The following ACOXL variants were observed in gnomAD, a reference collection of about 807,000 sequenced individuals.
ACOXL encodes the protein acyl-CoA oxidase like.
ACOXL carries 70 observed loss-of-function variants against 71.9 expected under a neutral mutation model. The observed-to-expected ratio is 0.97, with a 90% CI of 0.80 to 1.19. The LOEUF is 1.19. ACOXL is among the 50% of genes most tolerant of loss of function. The pLI is 0.00. For synonymous variants in ACOXL, 253 were observed against 281.6 expected (o/e 0.90, Z 1.02); for missense variants, 703 against 736.3 (o/e 0.95, Z 0.52).
intron 16 of ACOXL, among the ~76,000 whole-genome samples, chr2:111,068,504 C>T (rs2067181155): frequency 6.6e-6 from 1 of 152,218 alleles, no homozygotes; most frequent in Admixed American, 6.5e-5. Flanking sequence ...TGCATAGGTT[C>T]AGGATAAGCC....
At chr2:110,759,263 A>G (rs774630636) in intron 1 of ACOXL, among the ~76,000 whole-genome samples, 8 of 152,064 alleles carry the variant, frequency 5.3e-5, no homozygotes, top group Non-Finnish European at 1.0e-4. Flanking sequence ...TTTGTCTACT[A>G]TTGTCAGTGG....
At chr2:110,872,309 G>A (rs1255573280) in intron 10 of ACOXL, among the ~76,000 whole-genome samples, 1 of 152,216 alleles carries the variant, frequency 6.6e-6, no homozygotes, top group Non-Finnish European at 1.5e-5. Context: ...TTCAAGAGGA[G>A]GGGACATAGA....
chr2:110,886,814 T>A, intron 10 of ACOXL: 2 of 1,551,056 alleles, frequency 1.3e-6, no homozygotes, highest in South Asian at 2.4e-5. Flanking sequence ...GCTGTTCAGC[T>A]CCAGCTGGTC....
intron 16 of ACOXL, among the ~76,000 whole-genome samples, chr2:111,084,199 T>C (rs886690987): frequency 2.8e-5 from 4 of 143,944 alleles, no homozygotes; most frequent in African/African-American, 1.0e-4. Flanking sequence ...TGAGACATAC[T>C]TATAGAAACC....
intron 16 of ACOXL, among the ~76,000 whole-genome samples, chr2:111,073,731 A>G (rs2067456573): frequency 6.6e-6 from 1 of 152,186 alleles, no homozygotes; most frequent in Non-Finnish European, 1.5e-5. Context: ...AAATTGTTTT[A>G]GTGATTCTAG....
At chr2:110,844,323 T>G (rs1691525697) in intron 10 of ACOXL, among the ~76,000 whole-genome samples, 1 of 152,208 alleles carries the variant, frequency 6.6e-6, no homozygotes, top group South Asian at 2.1e-4. Context: ...GGAATTCTGA[T>G]TTTAACATTC....
intron 9 of ACOXL, among the ~76,000 whole-genome samples, chr2:110,824,157 G>T (rs1688921410): frequency 6.6e-6 from 1 of 152,282 alleles, no homozygotes; most frequent in Admixed American, 6.5e-5. Context: ...TACAAATATA[G>T]TCAACTCAGT....
chr2:110,842,417 A>G (rs1039250596), intron 10 of ACOXL, among the ~76,000 whole-genome samples: 25 of 152,328 alleles, frequency 1.6e-4, no homozygotes, highest in African/African-American at 6.0e-4. Flanking sequence ...TGCTAGGTGC[A>G]TGGCTGAGTC....
rs34498846 is a variant in ACOXL at position 110,742,951 on chromosome 2, G to C, written c.-23+10177G>C. On this transcript the variant is annotated intron_variant, in intron 1 of 17. Coordinates refer to ENST00000439055, the MANE Select transcript of ACOXL (RefSeq NM_001142807.4). ...ATAACATACAACTAACCATTTTAAAGTGTACAATTCAGTGGCATTTAGTGT... is the reference window on the plus strand; with the variant it reads ...ATAACATACAACTAACCATTTTAAACTGTACAATTCAGTGGCATTTAGTGT... Among the ~76,000 whole-genome samples the C allele has an allele frequency of 8.1e-3, 1,231 of 152,282 alleles. 9 individuals carry two copies. Among genetic ancestry groups the C allele is most frequent in the Non-Finnish European group, 0.012 (842 of 68,030 alleles).
chr2:111,064,279 A>C (rs2066947682), intron 16 of ACOXL, among the ~76,000 whole-genome samples: 1 of 152,106 alleles, frequency 6.6e-6, no homozygotes, highest in Non-Finnish European at 1.5e-5. Flanking sequence ...TACTAAAAAT[A>C]CAAAAAATTA....
chr2:111,035,146 G>A (rs529574686), intron 15 of ACOXL, among the ~76,000 whole-genome samples: 7 of 152,222 alleles, frequency 4.6e-5, no homozygotes, highest in South Asian at 2.1e-4. Context: ...GATTACAGGC[G>A]TGAGCCACCG....
intron 12 of ACOXL, among the ~76,000 whole-genome samples, chr2:110,971,404 GA>G (rs768934905): frequency 5.3e-5 from 8 of 152,210 alleles, no homozygotes; most frequent in Non-Finnish European, 8.8e-5. Context: ...ACCGCTGGGA[GA>G]AAATGGATAA....
At chr2:110,781,073 G>A (rs1683258017) in intron 2 of ACOXL, among the ~76,000 whole-genome samples, 1 of 152,168 alleles carries the variant, frequency 6.6e-6, no homozygotes, top group South Asian at 2.1e-4. Context: ...GCCTTTGAAG[G>A]TGGGTACTAA....
chr2:110,935,515 T>C (rs1180335109), intron 12 of ACOXL, among the ~76,000 whole-genome samples: 1 of 152,122 alleles, frequency 6.6e-6, no homozygotes, highest in Non-Finnish European at 1.5e-5. Context: ...CAGCCTGTCA[T>C]GTTCACCTGT....
chr2:110,892,203 A>G (rs1191093464), intron 10 of ACOXL, among the ~76,000 whole-genome samples: 1 of 152,176 alleles, frequency 6.6e-6, no homozygotes, highest in East Asian at 1.9e-4. Flanking sequence ...GGCTTATCAT[A>G]ACCCAGATGA....
intron 10 of ACOXL, among the ~76,000 whole-genome samples, chr2:110,885,506 A>G (rs980001158): frequency 2.6e-5 from 4 of 151,978 alleles, no homozygotes; most frequent in Non-Finnish European, 4.4e-5. Flanking sequence ...ACAATTTGTT[A>G]TGCTTCGTAT....
chr2:110,751,394 T>C (rs1446361714), intron 1 of ACOXL, among the ~76,000 whole-genome samples: 2 of 152,246 alleles, frequency 1.3e-5, no homozygotes, highest in East Asian at 1.9e-4. Context: ...GATTCTGGCA[T>C]TAACATGCTA....
intron 14 of ACOXL, among the ~76,000 whole-genome samples, chr2:111,030,482 G>A (rs182373933): frequency 1.1e-4 from 17 of 152,272 alleles, no homozygotes; most frequent in African/African-American, 1.2e-4. Flanking sequence ...CTGTGCCTGC[G>A]GCCCCAGGTG....
intron 9 of ACOXL, among the ~76,000 whole-genome samples, chr2:110,834,086 C>T (rs908837215): frequency 8.5e-5 from 13 of 152,134 alleles, no homozygotes; most frequent in African/African-American, 2.2e-4. Flanking sequence ...ACCATGTTTG[C>T]GGGTGTCACA....
Sources: allele counts gnomAD v4.1 joint callset (sites outside exome capture counted in the v4.1 genomes callset), GRCh38; gene constraint gnomAD v4.1.1; transcripts MANE v1.5; gene names NCBI Gene and HGNC (gene_info 2026-07-23, HGNC 2026-07-21).